Variants in ST18 observed in about 807,000 individuals in gnomAD.
ST18 encodes suppression of tumorigenicity 18 protein.
ST18 carries 50 observed loss-of-function variants against 110.0 expected under a neutral mutation model. That is an observed-to-expected ratio of 0.45 (90% confidence interval 0.36 to 0.58). The LOEUF is 0.58. Among genes scored for constraint, ST18 ranks in the 20% least tolerant of loss-of-function variants. ST18 has a pLI of 0.00. For missense variants in ST18, 1,306 were observed against 1,280.1 expected, an observed-to-expected ratio of 1.02 and a Z score of -0.31; for synonymous variants, 461 against 452.4, an observed-to-expected ratio of 1.02 and a Z score of -0.24.
chr8:52,142,881 G>T, intron 17 of ST18, 49 bp downstream of exon 17: 2 of 1,337,640 alleles, frequency 1.5e-6, no homozygotes, highest in Non-Finnish European at 2.1e-6. Context: ...TCATGAACTT[G>T]AATCTTCATT....
chr8:52,335,357 T>A (rs1362986338), intron 2 of ST18, among the ~76,000 whole-genome samples: 1 of 152,084 alleles, frequency 6.6e-6, no homozygotes, highest in Non-Finnish European at 1.5e-5. Context: ...CCACCACCAA[T>A]CCTCTCTGTT....
intron 2 of ST18, among the ~76,000 whole-genome samples, chr8:52,242,554 G>C (rs115588187): frequency 6.6e-6 from 1 of 152,286 alleles, no homozygotes; most frequent in Non-Finnish European, 1.5e-5. Context: ...AAAGTACTTA[G>C]GTAGCCAGGC....
At chr8:52,320,293 T>C (rs1803297447) in intron 2 of ST18, among the ~76,000 whole-genome samples, 1 of 152,102 alleles carries the variant, frequency 6.6e-6, no homozygotes, top group African/African-American at 2.4e-5. Context: ...AATAAACTGA[T>C]CTTCTAGGTA....
chr8:52,166,931 GCC>G lies in ST18; in HGVS notation c.1123_1124del (p.Gly375HisfsTer32). 1 of 1,612,560 alleles carries G rather than the reference GCC, an allele frequency of 6.2e-7. No homozygotes were observed. The highest frequency in any genetic ancestry group is 8.5e-7 in the Non-Finnish European group (1 of 1,178,846). On this transcript the variant is annotated frameshift_variant, in exon 11 of 26. Transcript: ENST00000689386. LOFTEE classifies it high-confidence loss of function. ...GGTAGAGCCCTGTCACGTGTCCCGT[GCC>G]ATCACATCCAGGGATCGGGCACTTG... ...ETKCPIPGCD[G>X]TGHVTGLYPH...
At chr8:52,230,364 G>A (rs2090933355) in intron 2 of ST18, among the ~76,000 whole-genome samples, 1 of 151,524 alleles carries the variant, frequency 6.6e-6, no homozygotes, top group South Asian at 2.1e-4. Flanking sequence ...CCTTTTCTAG[G>A]GACACACCTG....
intron 2 of ST18, among the ~76,000 whole-genome samples, chr8:52,394,673 T>C (rs1840485265): frequency 6.6e-6 from 1 of 152,226 alleles, no homozygotes; most frequent in Non-Finnish European, 1.5e-5. Context: ...TTGTATTTCA[T>C]ATTTTAATTC....
chr8:52,138,397 C>T (rs1207048406), intron 17 of ST18, among the ~76,000 whole-genome samples: 1 of 152,184 alleles, frequency 6.6e-6, no homozygotes, highest in Non-Finnish European at 1.5e-5. Flanking sequence ...ATGTGTGCCC[C>T]TGCATTTCAT....
chr8:52,257,852 G>T (rs1454591171), intron 2 of ST18, among the ~76,000 whole-genome samples: 1 of 152,066 alleles, frequency 6.6e-6, no homozygotes, highest in Non-Finnish European at 1.5e-5. Flanking sequence ...AGAAACTATT[G>T]CCAAATTCAA....
At chr8:52,295,071 C>T (rs2095611347) in intron 2 of ST18, among the ~76,000 whole-genome samples, 1 of 152,248 alleles carries the variant, frequency 6.6e-6, no homozygotes, top group Non-Finnish European at 1.5e-5. Flanking sequence ...GCCTGCCAGG[C>T]AGCAATTCAT....
At chr8:52,300,044 C>T (rs570192314) in intron 2 of ST18, among the ~76,000 whole-genome samples, 9 of 152,294 alleles carry the variant, frequency 5.9e-5, no homozygotes, top group Admixed American at 2.0e-4. Flanking sequence ...TTGATAAATT[C>T]GTTGAGGTCC....
At chr8:52,297,760 A>G (rs923184259) in intron 2 of ST18, among the ~76,000 whole-genome samples, 1 of 152,196 alleles carries the variant, frequency 6.6e-6, no homozygotes, top group African/African-American at 2.4e-5. Context: ...GTCAAATGGC[A>G]AAGAATGGGA....
intron 2 of ST18, among the ~76,000 whole-genome samples, chr8:52,261,104 T>G (rs1046428935): frequency 5.3e-5 from 8 of 152,186 alleles, no homozygotes; most frequent in African/African-American, 1.9e-4. Context: ...GAGGATGATA[T>G]GCCGTGCTGA....
At chr8:52,362,634 C>A (rs1590254156) in intron 2 of ST18, among the ~76,000 whole-genome samples, 1 of 152,272 alleles carries the variant, frequency 6.6e-6, no homozygotes, top group South Asian at 2.1e-4. Context: ...TACATTTTCC[C>A]CATAGAATTC....
chr8:52,214,342 A>T, intron 6 of ST18, 85 bp from the exon 7 acceptor site: 2 of 1,452,838 alleles, frequency 1.4e-6, no homozygotes, highest in Non-Finnish European at 1.9e-6. Context: ...TCTGAAGGTC[A>T]TTATGAAAAA....
At chr8:52,240,958 G>A (rs998236112) in intron 2 of ST18, among the ~76,000 whole-genome samples, 3 of 152,080 alleles carry the variant, frequency 2.0e-5, no homozygotes, top group Non-Finnish European at 2.9e-5. Context: ...ATCACCACCC[G>A]GTTGTCTCTC....
intron 12 of ST18, among the ~76,000 whole-genome samples, chr8:52,164,592 T>C (rs1288177015): frequency 2.0e-5 from 3 of 152,226 alleles, no homozygotes; most frequent in African/African-American, 7.2e-5. Context: ...AATGTGAATA[T>C]CAAACAATCA....
intron 2 of ST18, among the ~76,000 whole-genome samples, chr8:52,366,562 C>T (rs1828023221): frequency 1.3e-5 from 2 of 152,100 alleles, no homozygotes; most frequent in Non-Finnish European, 2.9e-5. Context: ...ATTTCCCCTG[C>T]CTGGGACAGT....
In ST18 at chr8:52,113,141, G is replaced by C; in HGVS notation, c.*57C>G. 1.2e-6 allele frequency: 2 copies of C among 1,602,466 alleles called. No homozygotes were observed. Among genetic ancestry groups the C allele is most frequent in the South Asian group, 2.2e-5 (2 of 89,184 alleles). ...CTTAGCAGTACATGAACCTCTAACA[G>C]ATCCATCTGGAGTTTACTGCTGTTG... On this transcript the variant is annotated 3_prime_UTR_variant, in exon 26 of 26. Transcript: ENST00000689386.
intron 2 of ST18, among the ~76,000 whole-genome samples, chr8:52,300,708 C>G (rs527613660): frequency 6.6e-6 from 1 of 152,264 alleles, no homozygotes; most frequent in Admixed American, 6.5e-5. Flanking sequence ...AGGAACCCAG[C>G]CATACTCATT....
Sources: allele counts gnomAD v4.1 joint callset (sites outside exome capture counted in the v4.1 genomes callset), GRCh38; gene constraint gnomAD v4.1.1; transcripts MANE v1.5; gene names NCBI Gene and HGNC (gene_info 2026-07-23, HGNC 2026-07-21).